The following ERBB4 variants were observed in gnomAD, a reference collection of about 807,000 sequenced individuals.
ERBB4 encodes the protein receptor tyrosine-protein kinase erbB-4.
Under a neutral mutation model 158.0 loss-of-function variants are expected in ERBB4, and 42 were observed. That is an observed-to-expected ratio of 0.27 (90% CI 0.21 to 0.34). The LOEUF is 0.34. ERBB4 is among the 10% of genes least tolerant of loss of function. The probability of loss-of-function intolerance (pLI) is 1.00; values close to 1 mark genes in which losing one functional copy is unlikely to be tolerated. For missense variants in ERBB4, 1,333 were observed against 1,624.1 expected (o/e 0.82, Z 3.08); for synonymous variants, 583 against 558.7 (o/e 1.04, Z -0.61).
At chr2:212,488,033 C>T (rs1170155991) in intron 1 of ERBB4, among the ~76,000 whole-genome samples, 2 of 152,138 alleles carry the variant, frequency 1.3e-5, no homozygotes, top group African/African-American at 4.8e-5. Context: ...TCAAGTTGCT[C>T]ACCTCCAAAT....
At chr2:211,838,415 G>T (rs1243867001) in intron 3 of ERBB4, among the ~76,000 whole-genome samples, 1 of 152,076 alleles carries the variant, frequency 6.6e-6, no homozygotes, top group Admixed American at 6.6e-5. Context: ...ATATGATACA[G>T]CTTTACCTTT....
intron 1 of ERBB4, among the ~76,000 whole-genome samples, chr2:212,150,290 T>C (rs2080826580): frequency 6.6e-6 from 1 of 152,076 alleles, no homozygotes; most frequent in African/African-American, 2.4e-5. Context: ...AACTCCACTT[T>C]CTACCTCCAT....
At chr2:211,857,148 T>C (rs1356929617) in intron 3 of ERBB4, among the ~76,000 whole-genome samples, 1 of 141,628 alleles carries the variant, frequency 7.1e-6, no homozygotes, top group Non-Finnish European at 1.6e-5. Context: ...TGTGTATATC[T>C]CTGTGTGTGT....
At chr2:211,827,317 G>A (rs1226637044) in intron 3 of ERBB4, among the ~76,000 whole-genome samples, 3 of 151,976 alleles carry the variant, frequency 2.0e-5, no homozygotes, top group African/African-American at 7.2e-5. Context: ...GCACTGTTGG[G>A]ACAGGGTTAT....
At chr2:212,505,831 T>C (rs558589662) in intron 1 of ERBB4, among the ~76,000 whole-genome samples, 1 of 149,158 alleles carries the variant, frequency 6.7e-6, no homozygotes, top group East Asian at 1.9e-4. Flanking sequence ...TCATATCTTC[T>C]GACACCATCT....
At position 211,840,388 on chromosome 2, in the gene ERBB4, G is replaced by A. The variant is rs142169247; in HGVS notation, c.422-52229C>T. ...TTATAAATTACCCAGTCTTGAATAT[G>A]TCTTTATTAGCAGCGTGAGAACAGA... On this transcript the variant is annotated intron_variant, in intron 3 of 27. Coordinates refer to ENST00000342788, the MANE Select transcript of ERBB4 (RefSeq NM_005235.3). 1.1e-3 allele frequency among the ~76,000 whole-genome samples: 165 copies of A among 152,048 alleles called. 1 individual carries two copies. The East Asian group carries it at 0.013, about 12-fold the overall frequency.
At chr2:212,142,126 A>T (rs2080499570) in intron 1 of ERBB4, among the ~76,000 whole-genome samples, 1 of 152,160 alleles carries the variant, frequency 6.6e-6, no homozygotes, top group Non-Finnish European at 1.5e-5. Flanking sequence ...TTATGGATTT[A>T]TCTTGTGTAC....
intron 1 of ERBB4, among the ~76,000 whole-genome samples, chr2:212,471,097 C>T (rs1180412758): frequency 2.0e-5 from 3 of 152,032 alleles, no homozygotes; most frequent in Admixed American, 6.6e-5. Context: ...AGGGCAACTA[C>T]TTTGCCTTCA....
At chr2:211,840,597 A>G (rs2077449358) in intron 3 of ERBB4, among the ~76,000 whole-genome samples, 1 of 152,114 alleles carries the variant, frequency 6.6e-6, no homozygotes, top group Admixed American at 6.6e-5. Context: ...TATTGAGGAA[A>G]ACATGAATTT....
chr2:211,950,473 T>G (rs761998132), intron 2 of ERBB4, among the ~76,000 whole-genome samples: 47 of 152,168 alleles, frequency 3.1e-4, no homozygotes, highest in Non-Finnish European at 5.3e-4. Flanking sequence ...TAAAGATATA[T>G]CTGTCAAAAT....
intron 1 of ERBB4, among the ~76,000 whole-genome samples, chr2:212,310,020 T>C (rs2086969159): frequency 6.6e-6 from 1 of 150,592 alleles, no homozygotes; most frequent in African/African-American, 2.4e-5. Context: ...TAAGGTATAA[T>C]GTAACTGATT....
In ERBB4 at chr2:211,787,887, G is replaced by A. The variant is rs150248787; in HGVS notation, c.556+138C>T. 2.0e-3 allele frequency: 1,540 copies of A among 760,526 alleles called. 2 individuals carry two copies. Among genetic ancestry groups the A allele is most frequent in the Non-Finnish European group, 2.7e-3 (1,262 of 460,478 alleles). The allele number at this position is 760,526 out of a possible 1,614,324, so 47.1% of individuals were successfully genotyped here. On this transcript the variant is annotated intron_variant, in intron 4 of 27. Coordinates refer to ENST00000342788, the MANE Select transcript of ERBB4 (RefSeq NM_005235.3). ...GAAGTAAAAGGTTGATCAGCCATTT[G>A]TTCTGCCATATATAACTGAACATTT...
chr2:211,574,851 C>T (rs73076904), intron 19 of ERBB4, among the ~76,000 whole-genome samples: 8,707 of 152,234 alleles, frequency 0.057, 824 homozygotes, highest in African/African-American at 0.2. Flanking sequence ...TAATTCTTAA[C>T]AACCATACTG....
chr2:212,106,119 T>C (rs1390640146), intron 2 of ERBB4, among the ~76,000 whole-genome samples: 1 of 152,118 alleles, frequency 6.6e-6, no homozygotes, highest in Non-Finnish European at 1.5e-5. Context: ...AAAAGATACC[T>C]TAAAATGTGG....
chr2:212,128,494 G>C (rs2080010278), intron 1 of ERBB4, among the ~76,000 whole-genome samples: 1 of 152,170 alleles, frequency 6.6e-6, no homozygotes, highest in Non-Finnish European at 1.5e-5. Flanking sequence ...GTAAGAATGA[G>C]TGACACACCT....
At chr2:211,681,773 G>T (rs1234278529) in intron 12 of ERBB4, among the ~76,000 whole-genome samples, 6 of 151,770 alleles carry the variant, frequency 4.0e-5, no homozygotes, top group African/African-American at 1.2e-4. Context: ...CCCAATTTTA[G>T]CCATGTCTTT....
intron 22 of ERBB4, among the ~76,000 whole-genome samples, chr2:211,424,722 A>C (rs1442720502): frequency 6.6e-6 from 1 of 152,180 alleles, no homozygotes; most frequent in Non-Finnish European, 1.5e-5. Context: ...ACTAATTTTA[A>C]GATCAGCATC....
chr2:211,605,622 T>G (rs541129299), intron 19 of ERBB4, among the ~76,000 whole-genome samples: 19 of 152,218 alleles, frequency 1.2e-4, no homozygotes, highest in African/African-American at 4.3e-4. Context: ...AGTAAATAAA[T>G]AGAGGCTATT....
At chr2:212,380,920 A>G (rs1405433742) in intron 1 of ERBB4, among the ~76,000 whole-genome samples, 1 of 151,294 alleles carries the variant, frequency 6.6e-6, no homozygotes, top group Non-Finnish European at 1.5e-5. Context: ...ACAAAATCAT[A>G]TATTGGGTAG....
Sources: gnomAD v4.1 joint callset for allele counts (sites outside exome capture counted in the v4.1 genomes callset) on GRCh38, gnomAD v4.1.1 for gene constraint, MANE v1.5 for transcripts, NCBI Gene and HGNC (gene_info 2026-07-23, HGNC 2026-07-21) for gene names.